Variants in COL10A1 observed in about 807,000 individuals in gnomAD.
COL10A1 encodes collagen type X alpha 1 chain.
Under a neutral mutation model 18.2 loss-of-function variants are expected in COL10A1, and 10 were observed. The ratio of observed to expected loss-of-function variants is 0.55; its 90% CI spans 0.34 to 0.93. COL10A1 has a LOEUF of 0.93. Among genes scored for constraint, COL10A1 ranks in the 40% least tolerant of loss-of-function variants. The pLI is 0.02. For missense variants in COL10A1, 897 were observed against 853.5 expected, an observed-to-expected ratio of 1.05 and a Z score of -0.64; for synonymous variants, 330 against 316.6, an observed-to-expected ratio of 1.04 and a Z score of -0.45.
At position 116,121,517 on chromosome 6, in the gene COL10A1, C is replaced by T; in HGVS notation, c.599G>A (p.Gly200Asp). ...EMGYGAPGRP[G>D]ERGLPGPQGP... ...CTGAGGGCCTGGAAGACCCCTCTCA[C>T]CTGGACGACCAGGAGCACCATATCC... Residue 200 changes from glycine (G) to aspartate (D), a missense_variant, in exon 3 of 3, where the codon GGT becomes GAT. Physicochemically the swap from Gly to Asp is moderately conservative, Grantham distance 94. Transcript: ENST00000651968. The T allele has an allele frequency of 2.5e-6, 4 of 1,614,174 alleles. No homozygotes were observed. Among genetic ancestry groups the T allele is most frequent in the Non-Finnish European group, 3.4e-6 (4 of 1,180,020 alleles).
At chr6:116,208,785 G>A in the COL10A1 span, among the ~76,000 whole-genome samples, 1 of 151,968 alleles carries the variant, frequency 6.6e-6, no homozygotes, top group Non-Finnish European at 1.5e-5. Flanking sequence ...AAAATAAAGT[G>A]TGCTAAAATC....
chr6:116,170,959 C>T, the COL10A1 span, among the ~76,000 whole-genome samples: 12 of 152,262 alleles, frequency 7.9e-5, no homozygotes, highest in African/African-American at 2.9e-4. Context: ...CTGTATTTGA[C>T]CTGCCCATTC....
intron 1 of COL10A1, among the ~76,000 whole-genome samples, chr6:116,132,692 T>G (rs1289440104): frequency 6.6e-6 from 1 of 152,138 alleles, no homozygotes; most frequent in Non-Finnish European, 1.5e-5. Flanking sequence ...GAGAGCCCAC[T>G]GAGGGAAAAC....
chr6:116,147,137 TTAAAGA>T (rs1364132056), intron 1 of COL10A1, among the ~76,000 whole-genome samples: 1 of 150,760 alleles, frequency 6.6e-6, no homozygotes, highest in Non-Finnish European at 1.5e-5. Context: ...ACAAGTAAAG[TTAAAGA>T]TAAATGACAA....
intron 1 of COL10A1, among the ~76,000 whole-genome samples, chr6:116,138,397 T>C (rs959320524): frequency 7.9e-5 from 12 of 152,170 alleles, no homozygotes; most frequent in African/African-American, 2.9e-4. Flanking sequence ...CTTGTTAAGA[T>C]TTGTGTGAAA....
chr6:116,190,293 ACTGT>A, the COL10A1 span, among the ~76,000 whole-genome samples: 2 of 152,146 alleles, frequency 1.3e-5, no homozygotes, highest in Admixed American at 1.3e-4. Context: ...TATATGAAAT[ACTGT>A]CTTTTTCCTT....
Position 116,120,374 on chromosome 6 carries a change from T to C in COL10A1, c.1742A>G (p.His581Arg). 1 of 1,614,264 alleles carries C rather than the reference T, an allele frequency of 6.2e-7. No homozygotes were observed. The highest frequency in any genetic ancestry group is 8.5e-7 in the Non-Finnish European group (1 of 1,180,040). Residue 581 changes from histidine (H) to arginine (R), a missense_variant, in exon 3 of 3, where the codon CAT becomes CGT. By Grantham distance (29) the His-to-Arg change is conservative (BLOSUM62 0). Transcript: ENST00000651968. ...FDKILYNRQQ[H>R]YDPRTGIFTC... ...AAAGATTCCAGTCCTTGGGTCATAATGCTGTTGCCTGTTATACAAAATTTT... is the reference window on the plus strand; with the variant it reads ...AAAGATTCCAGTCCTTGGGTCATAACGCTGTTGCCTGTTATACAAAATTTT...
intron 1 of COL10A1, among the ~76,000 whole-genome samples, chr6:116,146,960 A>G (rs1779912886): frequency 6.8e-6 from 1 of 147,886 alleles, no homozygotes; most frequent in Non-Finnish European, 1.5e-5. Context: ...ACCAGTAGAA[A>G]AGGTAGGGGA....
chr6:116,121,790 C>G lies in COL10A1; in HGVS notation c.326G>C (p.Gly109Ala), dbSNP rs375314504. Residue 109 changes from glycine (G) to alanine (A), a missense_variant, in exon 3 of 3, where the codon GGT becomes GCT. Gly to Ala is a moderately conservative substitution (Grantham distance 60, BLOSUM62 0). Coordinates refer to ENST00000651968, the MANE Select transcript of COL10A1 (RefSeq NM_000493.4). The part of the protein sequence containing the change: ...PPGPSAVGKP[G>A]VPGLPGKPGE... ...TGGTTTTCCTGGGAGTCCTGGCACACCTGGTTTCCCTACAGCTGATGGTCC... is the reference window on the plus strand; with the variant it reads ...TGGTTTTCCTGGGAGTCCTGGCACAGCTGGTTTCCCTACAGCTGATGGTCC... The G allele has an allele frequency of 1.6e-5, 26 of 1,613,786 alleles. No individual in the cohort carries two copies. In the African/African-American group the frequency reaches 2.8e-4, roughly 17 times the overall value.
chr6:116,150,643 G>A (rs1582836640), intron 1 of COL10A1, among the ~76,000 whole-genome samples: 1 of 152,152 alleles, frequency 6.6e-6, no homozygotes, highest in African/African-American at 2.4e-5. Context: ...CTGGACAAGA[G>A]TGAGTTTTAG....
At chr6:116,143,807 A>G (rs1475870573) in intron 1 of COL10A1, among the ~76,000 whole-genome samples, 1 of 152,216 alleles carries the variant, frequency 6.6e-6, no homozygotes, top group African/African-American at 2.4e-5. Context: ...ATTATAATCA[A>G]ATCAAGAAAA....
chr6:116,120,562 T>C lies in COL10A1; in HGVS notation c.1554A>G (p.Gln518=). The change falls in exon 3 of 3, where the codon CAA becomes CAG. Residue 518 remains glutamine (Q), a synonymous_variant. Coordinates refer to ENST00000651968, the MANE Select transcript of COL10A1 (RefSeq NM_000493.4). ...TTATAAAACCCTCAGGCATGACTGC[T>C]TGACCTGGTGGGCCTGGAGGCCCAG... The part of the protein sequence containing the change: ...GPPGPPGPPG[Q]AVMPEGFIKA... 1 of 1,609,876 alleles carries C rather than the reference T, an allele frequency of 6.2e-7. No homozygotes were observed. Among genetic ancestry groups the C allele is most frequent in the Non-Finnish European group, 8.5e-7 (1 of 1,177,692 alleles).
At chr6:116,215,334 TTGTCTATACTG>T in the COL10A1 span, among the ~76,000 whole-genome samples, 5 of 152,162 alleles carry the variant, frequency 3.3e-5, no homozygotes, top group African/African-American at 1.2e-4. Context: ...TTATTTTACT[TTGTCTATACTG>T]TGGAGCCTAA....
chr6:116,196,163 A>G, the COL10A1 span, among the ~76,000 whole-genome samples: 1 of 151,830 alleles, frequency 6.6e-6, no homozygotes, highest in Non-Finnish European at 1.5e-5. Context: ...TTTCCTTATT[A>G]CTCCTACTCC....
At chr6:116,154,884 A>G (rs1165315197) in intron 1 of COL10A1, among the ~76,000 whole-genome samples, 1 of 152,206 alleles carries the variant, frequency 6.6e-6, no homozygotes, top group Non-Finnish European at 1.5e-5. Flanking sequence ...AATTGTTTTA[A>G]TATCATTTTT....
chr6:116,178,052 A>AGTGTGTGT, the COL10A1 span, among the ~76,000 whole-genome samples: 6,688 of 136,074 alleles, frequency 0.049, 211 homozygotes, highest in Admixed American at 0.074. Flanking sequence ...CAAAGAGGAA[A>AGTGTGTGT]GTGTGTGTGT....
the COL10A1 span, among the ~76,000 whole-genome samples, chr6:116,164,958 A>G: frequency 6.6e-6 from 1 of 151,988 alleles, no homozygotes; most frequent in Non-Finnish European, 1.5e-5. Context: ...ATTAGCGGAC[A>G]TGGTGGTGGG....
intron 1 of COL10A1, among the ~76,000 whole-genome samples, chr6:116,147,604 A>T (rs980293417): frequency 1.3e-5 from 2 of 152,252 alleles, no homozygotes; most frequent in South Asian, 4.1e-4. Context: ...ATAAAGAATT[A>T]TAAATGGCCT....
At chr6:116,194,245 CA>C in the COL10A1 span, among the ~76,000 whole-genome samples, 1 of 152,012 alleles carries the variant, frequency 6.6e-6, no homozygotes, top group Admixed American at 6.6e-5. Context: ...CATGTTCTTT[CA>C]AATGACGGAG....
Sources: allele counts gnomAD v4.1 joint callset (sites outside exome capture counted in the v4.1 genomes callset), GRCh38; gene constraint gnomAD v4.1.1; transcripts MANE v1.5; gene names NCBI Gene and HGNC (gene_info 2026-07-23, HGNC 2026-07-21).